Variants in NALCN observed in about 807,000 individuals in gnomAD.
NALCN encodes the protein sodium leak channel NALCN.
A neutral mutation model predicts 225.3 loss-of-function variants in NALCN; 111 were observed. That is an observed-to-expected ratio of 0.49 (90% CI 0.42 to 0.58). NALCN has a LOEUF of 0.58. Among genes scored for constraint, NALCN ranks in the 20% least tolerant of loss-of-function variants. The pLI is 0.00. For synonymous variants in NALCN, 764 were observed against 769.0 expected, an observed-to-expected ratio of 0.99 and a Z score of 0.11; for missense variants, 1,378 against 2,202.4, an observed-to-expected ratio of 0.63 and a Z score of 7.49.
intron 15 of NALCN, among the ~76,000 whole-genome samples, chr13:101,167,845 AC>A (rs374456642): frequency 0.26 from 39,168 of 149,450 alleles, 5,884 homozygotes; most frequent in Non-Finnish European, 0.32. Flanking sequence ...TCAAAAAAAA[AC>A]AAAAACAAAA....
intron 12 of NALCN, among the ~76,000 whole-genome samples, chr13:101,235,835 C>T (rs2041533836): frequency 6.6e-6 from 1 of 152,100 alleles, no homozygotes. Context: ...CATGTCCTTT[C>T]CCCCAGGTAC....
At chr13:101,346,010 A>G (rs1353986770) in intron 6 of NALCN, among the ~76,000 whole-genome samples, 1 of 142,878 alleles carries the variant, frequency 7.0e-6, no homozygotes, top group East Asian at 2.1e-4. Context: ...TTTCTGGCCC[A>G]CCCAACTGTG....
chr13:101,065,044 G>A (rs527911611), intron 40 of NALCN, among the ~76,000 whole-genome samples: 41 of 152,294 alleles, frequency 2.7e-4, no homozygotes, highest in Admixed American at 6.5e-4. Flanking sequence ...CCCTGTAACC[G>A]CAAGCAAGTC....
At chr13:101,195,172 T>C (rs1182518157) in intron 13 of NALCN, among the ~76,000 whole-genome samples, 1 of 152,104 alleles carries the variant, frequency 6.6e-6, no homozygotes, top group African/African-American at 2.4e-5. Flanking sequence ...TGCACAGGAG[T>C]AGAGTTTCAG....
intron 3 of NALCN, among the ~76,000 whole-genome samples, chr13:101,392,566 G>C (rs574305512): frequency 6.6e-4 from 100 of 152,196 alleles, no homozygotes; most frequent in African/African-American, 2.3e-3. Context: ...AGAAACACTA[G>C]AGATGTTCTA....
intron 7 of NALCN, among the ~76,000 whole-genome samples, chr13:101,322,523 C>T (rs2044780266): frequency 6.6e-6 from 1 of 152,196 alleles, no homozygotes; most frequent in South Asian, 2.1e-4. Flanking sequence ...TCAAAGAAAT[C>T]ATCTGGTTAA....
At chr13:101,259,751 T>TAC (rs3061764) in intron 10 of NALCN, among the ~76,000 whole-genome samples, 49,271 of 131,710 alleles carry the variant, frequency 0.37, 9,463 homozygotes, top group Admixed American at 0.5. Context: ...TATATATATA[T>TAC]ACACACACAC....
chr13:101,318,319 C>G (rs1263717696), intron 7 of NALCN, among the ~76,000 whole-genome samples: 1 of 152,214 alleles, frequency 6.6e-6, no homozygotes, highest in Non-Finnish European at 1.5e-5. Flanking sequence ...CAGCCAGACA[C>G]GCTGGCTGCG....
chr13:101,346,087 C>CTCTCTATATATATATATATATATATA, intron 6 of NALCN, among the ~76,000 whole-genome samples: 5 of 70,930 alleles, frequency 7.0e-5, no homozygotes, highest in Non-Finnish European at 1.3e-4. Context: ...CTCTCTCTCT[C>CTCTCTATATATATATATATATATATA]TATATATATA....
chr13:101,312,901 T>G (rs966020432), intron 7 of NALCN, among the ~76,000 whole-genome samples: 38 of 152,306 alleles, frequency 2.5e-4, no homozygotes, highest in African/African-American at 8.9e-4. Context: ...AGAGCAAAGC[T>G]GCAGGCATCA....
Position 101,073,617 on chromosome 13 carries a change from A to C in NALCN, c.4164T>G (p.Gly1388=), listed in dbSNP as rs1042593039. 2 of 1,613,740 alleles carry C rather than the reference A, an allele frequency of 1.2e-6. No individual in the cohort carries two copies. Among genetic ancestry groups the C allele is most frequent in the Non-Finnish European group, 8.5e-7 (1 of 1,179,838 alleles). The change falls in exon 37 of 44, where the codon GGT becomes GGG. Residue 1388 remains glycine (G), a synonymous_variant. Transcript: ENST00000251127. ...CATGCATAATCTTGTTCCAGTCTTC[A>C]CCTGTGACAATTCGGAACAGTACGG... ...AITVLFRIVT[G]EDWNKIMHDC... is the part of the protein sequence containing the mutation.
At chr13:101,202,040 T>C (rs1228932419) in intron 13 of NALCN, among the ~76,000 whole-genome samples, 1 of 152,186 alleles carries the variant, frequency 6.6e-6, no homozygotes, top group African/African-American at 2.4e-5. Context: ...TCAGTCTCCT[T>C]GTTTCGATTT....
At chr13:101,112,804 G>A (rs2139653654) in intron 18 of NALCN, among the ~76,000 whole-genome samples, 1 of 152,272 alleles carries the variant, frequency 6.6e-6, no homozygotes, top group Non-Finnish European at 1.5e-5. Context: ...TAAGATCTTT[G>A]AGAAAAAGAT....
intron 7 of NALCN, among the ~76,000 whole-genome samples, chr13:101,313,377 T>TAC (rs1175852132): frequency 1.6e-4 from 24 of 152,176 alleles, no homozygotes; most frequent in African/African-American, 4.6e-4. Context: ...AAAGAAACCG[T>TAC]CATCAGAGTG....
At chr13:101,081,821 T>A (rs2033669243) in intron 33 of NALCN, among the ~76,000 whole-genome samples, 175 bp from the exon 34 acceptor site, 1 of 152,214 alleles carries the variant, frequency 6.6e-6, no homozygotes, top group African/African-American at 2.4e-5. Context: ...TTTAATGCCC[T>A]TTGAGGTTTC....
rs1369359612 is a variant in NALCN, at chr13:101,075,861, C to G, written c.3954+12G>C. 66 of 1,599,524 alleles carry G rather than the reference C, an allele frequency of 4.1e-5. No individual in the cohort carries two copies. The highest frequency in any genetic ancestry group is 5.5e-5 in the Non-Finnish European group (65 of 1,173,570). Reference sequence around the variant, plus strand: ...ATGACCTTTAAGATAAGATTCTTAACAATGTACTTACATGTTTTCCACAGA... The same window carrying G: ...ATGACCTTTAAGATAAGATTCTTAAGAATGTACTTACATGTTTTCCACAGA... On this transcript the variant is annotated intron_variant, in intron 35 of 43. Coordinates refer to ENST00000251127, the MANE Select transcript of NALCN (RefSeq NM_052867.4).
intron 33 of NALCN, 145 bp from the exon 34 acceptor site, chr13:101,081,791 A>G: frequency 9.0e-7 from 1 of 1,112,568 alleles, no homozygotes; most frequent in East Asian, 2.6e-5. Flanking sequence ...TATCTTTTCC[A>G]TTGAAAATGA....
chr13:101,317,543 G>T (rs482293), intron 7 of NALCN, among the ~76,000 whole-genome samples: 62,058 of 152,034 alleles, frequency 0.41, 13,019 homozygotes, highest in Middle Eastern at 0.47. Context: ...CTATTGTACT[G>T]CTCAGGATGG....
chr13:101,193,376 A>C (rs1360474870), intron 13 of NALCN, among the ~76,000 whole-genome samples: 1 of 152,200 alleles, frequency 6.6e-6, no homozygotes, highest in African/African-American at 2.4e-5. Flanking sequence ...TTCAGTAAGG[A>C]TAACAAACTT....
Sources: allele counts gnomAD v4.1 joint callset (sites outside exome capture counted in the v4.1 genomes callset), GRCh38; gene constraint gnomAD v4.1.1; transcripts MANE v1.5; gene names NCBI Gene and HGNC (gene_info 2026-07-23, HGNC 2026-07-21).